Variants in PPP1R1C observed in about 807,000 individuals in gnomAD.
PPP1R1C encodes the protein protein phosphatase 1 regulatory inhibitor subunit 1C.
In PPP1R1C, 15 loss-of-function variants were observed where a neutral mutation model predicts 17.4. The ratio of observed to expected loss-of-function variants is 0.86; its 90% CI spans 0.58 to 1.33. The LOEUF is 1.33. Among genes scored for constraint, PPP1R1C ranks in the 40% most tolerant of loss-of-function variants. The pLI is 0.00. For synonymous variants in PPP1R1C, 35 were observed against 43.1 expected (o/e 0.81, Z 0.73); for missense variants, 143 against 130.0 (o/e 1.10, Z -0.48).
chr2:182,024,921 A>G (rs2125165923), intron 2 of PPP1R1C, among the ~76,000 whole-genome samples: 1 of 151,776 alleles, frequency 6.6e-6, no homozygotes, highest in African/African-American at 2.4e-5. Flanking sequence ...GATAGTAGAA[A>G]TCCATTAAAT....
intron 4 of PPP1R1C, among the ~76,000 whole-genome samples, chr2:182,096,327 A>C (rs2125224653): frequency 6.6e-6 from 1 of 152,324 alleles, no homozygotes; most frequent in South Asian, 2.1e-4. Flanking sequence ...GGAAGGTCAG[A>C]GAATTTCTTT....
At chr2:181,970,675 G>T (rs1016889400) in intron 1 of PPP1R1C, among the ~76,000 whole-genome samples, 1 of 152,134 alleles carries the variant, frequency 6.6e-6, no homozygotes. Flanking sequence ...TTTCTCCCTG[G>T]CCATGGGTGG....
At chr2:181,972,324 A>T (rs928566286) in intron 1 of PPP1R1C, among the ~76,000 whole-genome samples, 1 of 152,252 alleles carries the variant, frequency 6.6e-6, no homozygotes, top group African/African-American at 2.4e-5. Flanking sequence ...CCAAGACAAA[A>T]TGTGTGATGT....
At chr2:182,057,638 C>G (rs918947952) in intron 2 of PPP1R1C, among the ~76,000 whole-genome samples, 1 of 152,068 alleles carries the variant, frequency 6.6e-6, no homozygotes, top group Non-Finnish European at 1.5e-5. Flanking sequence ...ATTTTTTCCT[C>G]TAACACATTT....
At chr2:182,105,157 C>T (rs1489912983) in intron 4 of PPP1R1C, among the ~76,000 whole-genome samples, 1 of 152,090 alleles carries the variant, frequency 6.6e-6, no homozygotes, top group East Asian at 1.9e-4. Flanking sequence ...TAGATTTGGC[C>T]AGGCTGATGT....
chr2:181,986,742 A>G (rs1355758984), intron 1 of PPP1R1C, among the ~76,000 whole-genome samples: 1 of 152,184 alleles, frequency 6.6e-6, no homozygotes, highest in Admixed American at 6.5e-5. Flanking sequence ...TTGTTCAGAC[A>G]TTACAAACAG....
chr2:181,972,421 T>C (rs2125134097), intron 1 of PPP1R1C, among the ~76,000 whole-genome samples: 1 of 152,266 alleles, frequency 6.6e-6, no homozygotes, highest in Middle Eastern at 3.4e-3. Flanking sequence ...CTTGTTTCTT[T>C]GGAGGTGTAT....
chr2:182,024,208 C>G (rs1031032120), intron 2 of PPP1R1C, among the ~76,000 whole-genome samples: 2 of 152,160 alleles, frequency 1.3e-5, no homozygotes, highest in African/African-American at 2.4e-5. Flanking sequence ...TTAAAAAGGA[C>G]TTAGCATGAA....
At chr2:182,006,265 C>G (rs1685921519) in intron 2 of PPP1R1C, among the ~76,000 whole-genome samples, 2 of 152,024 alleles carry the variant, frequency 1.3e-5, no homozygotes, top group Admixed American at 6.6e-5. Context: ...GGAAGTGAGG[C>G]TTTGGTTATA....
intron 4 of PPP1R1C, among the ~76,000 whole-genome samples, chr2:182,108,016 T>C (rs964807477): frequency 6.6e-6 from 1 of 152,064 alleles, no homozygotes; most frequent in East Asian, 1.9e-4. Context: ...TTCTATGTCA[T>C]AGTTTTCCTC....
chr2:182,121,768 C>T (rs1689738874), downstream of PPP1R1C, among the ~76,000 whole-genome samples: 1 of 152,166 alleles, frequency 6.6e-6, no homozygotes, highest in South Asian at 2.1e-4. Flanking sequence ...TCCCAAAGTG[C>T]TGGGATTACA....
At chr2:182,090,068 C>T (rs941504170) in intron 4 of PPP1R1C, among the ~76,000 whole-genome samples, 1 of 152,040 alleles carries the variant, frequency 6.6e-6, no homozygotes. Flanking sequence ...AATATTTAGT[C>T]TCTCAAGAAA....
chr2:182,070,221 A>C (rs1392229521), intron 4 of PPP1R1C, among the ~76,000 whole-genome samples: 1 of 152,216 alleles, frequency 6.6e-6, no homozygotes, highest in African/African-American at 2.4e-5. Flanking sequence ...TAGGTCATGG[A>C]AAAGTGGAAT....
At chr2:182,011,427 T>C (rs115189619) in intron 2 of PPP1R1C, among the ~76,000 whole-genome samples, 2,796 of 152,222 alleles carry the variant, frequency 0.018, 82 homozygotes, top group African/African-American at 0.064. Context: ...TAGTCTCTAA[T>C]GATCCTTTGA....
intron 2 of PPP1R1C, among the ~76,000 whole-genome samples, chr2:182,020,701 G>A (rs1393340232): frequency 2.0e-5 from 3 of 152,000 alleles, no homozygotes; most frequent in Non-Finnish European, 4.4e-5. Flanking sequence ...CCTTTCTTCT[G>A]CTTTTTAAAG....
intron 1 of PPP1R1C, among the ~76,000 whole-genome samples, chr2:181,955,086 G>A (rs1684649404): frequency 6.6e-6 from 1 of 152,176 alleles, no homozygotes; most frequent in Non-Finnish European, 1.5e-5. Flanking sequence ...TAATACAGAT[G>A]TTATTGAGGT....
intron 2 of PPP1R1C, among the ~76,000 whole-genome samples, chr2:182,005,411 C>T (rs916344261): frequency 1.3e-5 from 2 of 152,112 alleles, no homozygotes; most frequent in African/African-American, 4.8e-5. Flanking sequence ...AAATGTATGG[C>T]CTCAGTTCAA....
chr2:182,032,611 A>T (rs80354387), intron 2 of PPP1R1C, among the ~76,000 whole-genome samples: 109 of 152,224 alleles, frequency 7.2e-4, no homozygotes, highest in Non-Finnish European at 4.9e-4. Flanking sequence ...ATTCGTGCTG[A>T]AAGGCAGTAT....
intron 4 of PPP1R1C, among the ~76,000 whole-genome samples, chr2:182,084,393 A>T (rs1011968386): frequency 1.3e-5 from 2 of 151,992 alleles, no homozygotes; most frequent in Non-Finnish European, 2.9e-5. Flanking sequence ...GATTTTTATG[A>T]TTTCAACTGT....
Sources: allele counts gnomAD v4.1 joint callset (sites outside exome capture counted in the v4.1 genomes callset), GRCh38; gene constraint gnomAD v4.1.1; transcripts MANE v1.5; gene names NCBI Gene and HGNC (gene_info 2026-07-23, HGNC 2026-07-21).